GLRA2: variants seen among roughly 807,000 people sequenced by gnomAD.
GLRA2 encodes the protein glycine receptor subunit alpha-2.
GLRA2 carries 11 observed loss-of-function variants against 31.6 expected under a neutral mutation model. The ratio of observed to expected loss-of-function variants is 0.35; its 90% CI spans 0.22 to 0.58. The LOEUF is 0.58. Ranked by LOEUF, GLRA2 falls within the 20% of genes least tolerant of loss-of-function variation. The pLI is 0.84. For synonymous variants in GLRA2, 132 were observed against 134.0 expected, an observed-to-expected ratio of 0.99 and a Z score of 0.10; for missense variants, 212 against 351.8, an observed-to-expected ratio of 0.60 and a Z score of 3.18.
chrX:14,631,199 A>G (rs1195163889), intron 7 of GLRA2, among the ~76,000 whole-genome samples: 2 of 111,706 alleles, frequency 1.8e-5, no homozygotes, highest in East Asian at 2.8e-4. Context: ...ATCTCAATTC[A>G]GTATATTTTC....
At chrX:14,567,718 G>A (rs889796257) in intron 2 of GLRA2, among the ~76,000 whole-genome samples, 12 of 111,913 alleles carry the variant, frequency 1.1e-4, no homozygotes, top group Non-Finnish European at 1.9e-4. Flanking sequence ...ACAGTCCTAC[G>A]TATAGAAAAC....
intron 7 of GLRA2, among the ~76,000 whole-genome samples, chrX:14,681,910 A>AAAAAAAAT (rs758563376): frequency 2.4e-5 from 1 of 41,294 alleles, no homozygotes; most frequent in Non-Finnish European, 4.4e-5. Flanking sequence ...AAAAAAAAAA[A>AAAAAAAAT]ATATATATAT....
intron 8 of GLRA2, among the ~76,000 whole-genome samples, chrX:14,706,243 C>T (rs1396168082): frequency 9.0e-6 from 1 of 111,572 alleles, no homozygotes; most frequent in Non-Finnish European, 1.9e-5. Flanking sequence ...GCCTCTCAGG[C>T]CCTACCCCAG....
chrX:14,690,687 GTGTGTC>G lies in GLRA2; in HGVS notation c.931-21_931-16del. 3.9e-6 allele frequency: 4 copies of G among 1,026,161 alleles called. No individual in the cohort carries two copies. The highest frequency in any genetic ancestry group is 5.5e-6 in the Non-Finnish European group (4 of 727,363). 84.6% of individuals were successfully genotyped at this position (1,026,161 alleles called of 1,213,427 possible). The stretch of plus-strand genomic sequence containing the variant: ...TCTCTCTCTCTCTCTCTGTGTGTGT[GTGTGTC>G]TCTCTCTCTCTCTCAGGTCTCCTAT... On this transcript the variant is annotated splice_polypyrimidine_tract_variant and intron_variant, in intron 7 of 8. Transcript: ENST00000218075.
rs192458989 is a variant in GLRA2, at chrX:14,571,144, A to G, written c.203-3189A>G. ...GTGCCATGAAAAACTAGATGTTTAC[A>G]TAATTCTTTTCAACAGTCAGATTCT... is the stretch of plus-strand genomic sequence containing the variant. On this transcript the variant is annotated intron_variant, in intron 2 of 8. Transcript: ENST00000218075. Among the ~76,000 whole-genome samples the G allele has an allele frequency of 4.6e-3, 522 of 112,280 alleles. 2 individuals are homozygous for G. Among genetic ancestry groups the G allele is most frequent in the Non-Finnish European group, 8.3e-3 (443 of 53,205 alleles).
chrX:14,717,250 T>A (rs1296456928), intron 8 of GLRA2, among the ~76,000 whole-genome samples: 2 of 108,725 alleles, frequency 1.8e-5, no homozygotes, highest in Non-Finnish European at 3.8e-5. Flanking sequence ...TTTCAGTGCA[T>A]CAAGGTGAGA....
intron 8 of GLRA2, among the ~76,000 whole-genome samples, chrX:14,706,824 A>G (rs1458086690): frequency 8.9e-6 from 1 of 112,199 alleles, no homozygotes; most frequent in Non-Finnish European, 1.9e-5. Flanking sequence ...ATAATTCTAA[A>G]TAGTCATACA....
At chrX:14,519,815 A>G in the GLRA2 span, among the ~76,000 whole-genome samples, 1 of 112,037 alleles carries the variant, frequency 8.9e-6, no homozygotes, top group African/African-American at 3.2e-5. Context: ...AAGAAGAAAT[A>G]ATGCTTCATA....
chrX:14,609,055 G>A lies in GLRA2; in HGVS notation c.780G>A (p.Gln260=), dbSNP rs1165698783. The A allele has an allele frequency of 8.4e-7, 1 of 1,184,521 alleles. No individual in the cohort carries two copies. ...GCCAAATGGGATATTATTTGATCCA[G>A]ATGTACATCCCAAGCCTGCTTATAG... ...LERQMGYYLI[Q]MYIPSLLIVI... The change falls in exon 7 of 9, where the codon CAG becomes CAA. Residue 260 remains glutamine (Q), a synonymous_variant. Coordinates refer to ENST00000218075, the MANE Select transcript of GLRA2 (RefSeq NM_002063.4).
intron 8 of GLRA2, among the ~76,000 whole-genome samples, chrX:14,691,100 T>C (rs900055551): frequency 2.7e-5 from 3 of 112,077 alleles, no homozygotes; most frequent in African/African-American, 9.7e-5. Context: ...CAAGAAACAA[T>C]TTTTAGTATA....
At chrX:14,467,095 T>G in the GLRA2 span, among the ~76,000 whole-genome samples, 10 of 112,701 alleles carry the variant, frequency 8.9e-5, no homozygotes, top group African/African-American at 2.9e-4. Context: ...TTATATGTGC[T>G]ATATTTTGAT....
chrX:14,559,131 G>T (rs775601325), intron 2 of GLRA2, among the ~76,000 whole-genome samples: 1 of 111,699 alleles, frequency 9.0e-6, no homozygotes, highest in South Asian at 3.7e-4. Flanking sequence ...CATCTGTATG[G>T]CAATTTTCTA....
intron 4 of GLRA2, among the ~76,000 whole-genome samples, chrX:14,585,130 G>T (rs769659235): frequency 9.0e-6 from 1 of 111,357 alleles, no homozygotes; most frequent in African/African-American, 3.3e-5. Context: ...AGTATTTTCT[G>T]AAATCAAAAT....
At chrX:14,509,853 A>C in the GLRA2 span, among the ~76,000 whole-genome samples, 1 of 112,150 alleles carries the variant, frequency 8.9e-6, no homozygotes, top group Admixed American at 9.5e-5. Context: ...TTTATAGTAA[A>C]GTGCAAAGGC....
intron 2 of GLRA2, among the ~76,000 whole-genome samples, chrX:14,539,742 T>C (rs1013467275): frequency 8.9e-6 from 1 of 112,060 alleles, no homozygotes; most frequent in Non-Finnish European, 1.9e-5. Flanking sequence ...GAAAAGTCCA[T>C]AGGCAATTAT....
intron 5 of GLRA2, among the ~76,000 whole-genome samples, chrX:14,605,987 G>A (rs768122178): frequency 8.5e-5 from 9 of 106,118 alleles, no homozygotes; most frequent in Non-Finnish European, 1.7e-4. Flanking sequence ...GGGCCTCTTT[G>A]TATCTCCTTG....
intron 1 of GLRA2, chrX:14,531,301 T>C (rs1306431662): frequency 6.5e-6 from 2 of 306,428 alleles, no homozygotes; most frequent in African/African-American, 2.8e-5. Flanking sequence ...TTCTTAGTGA[T>C]AGAATTCATA....
Position 14,712,506 on chromosome X carries a change from G to GAA in GLRA2, c.1081-17690_1081-17689dup, listed in dbSNP as rs3216384. Among the ~76,000 whole-genome samples the GAA allele has an allele frequency of 3.0e-5, 3 of 101,321 alleles. No homozygotes were observed. In the South Asian group the frequency reaches 1.3e-3, roughly 44 times the overall value. 88.0% of individuals were successfully genotyped at this position (101,321 alleles called of 115,157 possible). On this transcript the variant is annotated intron_variant, in intron 8 of 8. Transcript: ENST00000218075. ...TACATTAAGATAATCACTCTTAATTGAAAAAAAAAAAACTATAGTTGCTTG... is the reference window on the plus strand; with the variant it reads ...TACATTAAGATAATCACTCTTAATTGAAAAAAAAAAAAAACTATAGTTGCTTG...
At chrX:14,575,326 G>C (rs1211510013) in intron 3 of GLRA2, among the ~76,000 whole-genome samples, 6 of 109,288 alleles carry the variant, frequency 5.5e-5, no homozygotes, top group Non-Finnish European at 9.5e-5. Context: ...TCAGCCTCCT[G>C]AGTAGCTGGG....
Sources: allele counts gnomAD v4.1 joint callset (sites outside exome capture counted in the v4.1 genomes callset), GRCh38; gene constraint gnomAD v4.1.1; transcripts MANE v1.5; gene names NCBI Gene and HGNC (gene_info 2026-07-23, HGNC 2026-07-21).